The following SCAMP3 variants were observed in gnomAD, a reference collection of about 807,000 sequenced individuals.
SCAMP3 encodes the protein secretory carrier-associated membrane protein 3.
A neutral mutation model predicts 44.1 loss-of-function variants in SCAMP3; 30 were observed. The ratio of observed to expected loss-of-function variants is 0.68; its 90% CI spans 0.51 to 0.92. The LOEUF (loss-of-function observed/expected upper bound fraction) is 0.92, where lower values mean the gene tolerates loss of function less well. Ranked by LOEUF, SCAMP3 falls within the 40% of genes least tolerant of loss-of-function variation. The probability of loss-of-function intolerance (pLI) is 0.00; values close to 1 mark genes in which losing one functional copy is unlikely to be tolerated. For missense variants in SCAMP3, 394 were observed against 440.0 expected, an observed-to-expected ratio of 0.90 and a Z score of 0.93; for synonymous variants, 168 against 171.1, an observed-to-expected ratio of 0.98 and a Z score of 0.14.
Position 155,260,546 on chromosome 1 carries a change from G to C in SCAMP3, c.258C>G (p.Tyr86Ter). 1 of 1,614,178 alleles carries C rather than the reference G, an allele frequency of 6.2e-7. No individual in the cohort carries two copies. The highest frequency in any genetic ancestry group is 2.2e-5 in the East Asian group (1 of 44,882). The stretch of plus-strand genomic sequence containing the variant: ...TGCACACCTCCTGTACCTGAGTGCT[G>C]TATGAGCCATAGTTCTTAGGTTCTG... ...SPTEPKNYGS[Y>*]STQASAAAAT... Residue 86 changes from tyrosine to a stop codon, truncating the protein, a stop_gained, in exon 3 of 9, where the codon TAC becomes TAG. Coordinates refer to ENST00000302631, the MANE Select transcript of SCAMP3 (RefSeq NM_005698.4). LOFTEE classifies it high-confidence loss of function.
In SCAMP3 at chr1:155,256,742, C is replaced by T. The variant is rs199684527; in HGVS notation, c.829G>A (p.Val277Met). 6.2e-6 allele frequency: 10 copies of T among 1,614,084 alleles called. No individual in the cohort carries two copies. Among genetic ancestry groups the T allele is most frequent in the Admixed American group, 3.3e-5 (2 of 60,006 alleles). Residue 277 changes from valine (V) to methionine (M), a missense_variant, in exon 8 of 9, where the codon GTG becomes ATG. By Grantham distance (21) the Val-to-Met change is conservative. Coordinates refer to ENST00000302631, the MANE Select transcript of SCAMP3 (RefSeq NM_005698.4). ...VVPKGNTAVSVLMLLVALLFT... is the reference protein window; with the variant it reads ...VVPKGNTAVSMLMLLVALLFT... ...AGCAGGGCGACCAGCAGCATGAGCA[C>T]GGATACTGCTGTGTTGCCCTTCGGC... is the stretch of plus-strand genomic sequence containing the variant.
At position 155,256,656 on chromosome 1, in the gene SCAMP3, C is replaced by T. The variant is rs1226991718; in HGVS notation, c.897+18G>A. On this transcript the variant is annotated intron_variant, in intron 8 of 8. Transcript: ENST00000302631. ...CATGATCTCACCATCCCGGCCCCAC[C>T]TTCGACACAGCCCTCACCCGTTTCA... 1.9e-6 allele frequency: 3 copies of T among 1,608,200 alleles called. No individual in the cohort carries two copies. The African/African-American group carries it at 4.0e-5, about 21-fold the overall frequency.
At chr1:155,259,189 C>G (rs1445709772) in intron 4 of SCAMP3, among the ~76,000 whole-genome samples, 1 of 121,696 alleles carries the variant, frequency 8.2e-6, no homozygotes, top group African/African-American at 3.1e-5. Flanking sequence ...TTTTTTTTCT[C>G]CTGAGATAGA....
intron 1 of SCAMP3, 65 bp downstream of exon 1, chr1:155,262,021 C>A: frequency 6.7e-7 from 1 of 1,499,104 alleles, no homozygotes; most frequent in Non-Finnish European, 9.3e-7. Flanking sequence ...ACAAGTTAGC[C>A]CGACCCTACA....
At chr1:155,258,744 G>C in intron 5 of SCAMP3, 82 bp downstream of exon 5, 1 of 1,314,154 alleles carries the variant, frequency 7.6e-7, no homozygotes, top group East Asian at 2.4e-5. Flanking sequence ...TAGAGGTGAA[G>C]TGTTTGGTTC....
Position 155,256,276 on chromosome 1 carries a change from C to G in SCAMP3, c.1041G>C (p.Pro347=). The G allele has an allele frequency of 6.4e-7, 1 of 1,568,104 alleles. No individual in the cohort carries two copies. The highest frequency in any genetic ancestry group is 1.1e-5 in the South Asian group (1 of 87,260). Reference sequence around the variant, plus strand: ...GCCAGGGCATCCCAGTCAGGGGTCACGGGGCCCGGAAGGCATTTTCAGCAG... The same window carrying G: ...GCCAGGGCATCCCAGTCAGGGGTCAGGGGGCCCGGAAGGCATTTTCAGCAG... The part of the protein sequence containing the change: ...AGAAENAFRA[P] The change falls in exon 9 of 9, where the codon CCG becomes CCC. Residue 347 remains proline, a synonymous_variant. Transcript: ENST00000302631.
At chr1:155,261,451 T>C in intron 2 of SCAMP3, 1 of 608,146 alleles carries the variant, frequency 1.6e-6, no homozygotes, top group East Asian at 2.8e-5. Flanking sequence ...CAGGACTGAC[T>C]TTTAGAGCTC....
At chr1:155,261,768 C>A in intron 1 of SCAMP3, 34 bp from the exon 2 acceptor site, 1 of 1,593,318 alleles carries the variant, frequency 6.3e-7, no homozygotes, top group Non-Finnish European at 8.6e-7. Flanking sequence ...AGCTGGCACC[C>A]AGTGCCACCT....
intron 8 of SCAMP3, 39 bp downstream of exon 8, chr1:155,256,635 A>T (rs987994413): frequency 6.4e-7 from 1 of 1,564,488 alleles, no homozygotes; most frequent in Admixed American, 1.7e-5. Flanking sequence ...GGGACCCATG[A>T]TCTCACCATC....
chr1:155,259,045 T>TA, intron 4 of SCAMP3, 91 bp from the exon 5 acceptor site: 93 of 681,114 alleles, frequency 1.4e-4, no homozygotes, highest in Non-Finnish European at 1.9e-4. Flanking sequence ...CTGGATCCTC[T>TA]CTTTTTTTTT....
intron 7 of SCAMP3, among the ~76,000 whole-genome samples, 186 bp from the exon 8 acceptor site, chr1:155,256,977 T>C (rs139644102): frequency 4.5e-4 from 69 of 152,326 alleles, no homozygotes; most frequent in African/African-American, 1.5e-3. Flanking sequence ...TTCTGAACCA[T>C]TAGCCCTGAG....
chr1:155,261,987 G>A, intron 1 of SCAMP3, 99 bp downstream of exon 1: 1 of 1,268,296 alleles, frequency 7.9e-7, no homozygotes, highest in Non-Finnish European at 1.1e-6. Flanking sequence ...GCTCTTCCCA[G>A]GATCAAATGT....
In SCAMP3 at chr1:155,262,235, T is replaced by C; in HGVS notation, c.-84A>G. ...GGTAGCGGTAGCCCTCAGAGTCCAC[T>C]TCACTCGCCTCAGTTCGCCCCGCTT... On this transcript the variant is annotated 5_prime_UTR_variant, in exon 1 of 9. Coordinates refer to ENST00000302631, the MANE Select transcript of SCAMP3 (RefSeq NM_005698.4). 7.9e-7 allele frequency: 1 copy of C among 1,264,748 alleles called. No homozygotes were observed. Among genetic ancestry groups the C allele is most frequent in the Non-Finnish European group, 1.1e-6 (1 of 891,524 alleles). 78.3% of individuals were successfully genotyped at this position (1,264,748 alleles called of 1,614,324 possible).
chr1:155,261,991 C>T, intron 1 of SCAMP3, 95 bp downstream of exon 1: 2 of 1,290,086 alleles, frequency 1.6e-6, no homozygotes, highest in Non-Finnish European at 2.2e-6. Context: ...TTCCCAGGAT[C>T]AAATGTCACA....
Position 155,260,333 on chromosome 1 carries a change from C to G in SCAMP3, c.385G>C (p.Ala129Pro). Residue 129 changes from alanine (A) to proline (P), a missense_variant, in exon 4 of 9, where the codon GCT (alanine) becomes CCT (proline). Physicochemically the swap from Ala to Pro is conservative, Grantham distance 27. Transcript: ENST00000302631. ...TCTTCCCCACTCTATTACTTACTAG[C>G]TGTGCCCCCCAGGGCAGCATGCTGC... ...ELQHAALGGTATRQNNWPPLP... is the reference protein window; with the variant it reads ...ELQHAALGGTPTRQNNWPPLP... The G allele has an allele frequency of 6.2e-7, 1 of 1,611,360 alleles. No individual in the cohort carries two copies. Among genetic ancestry groups the G allele is most frequent in the South Asian group, 1.1e-5 (1 of 91,086 alleles).
At position 155,261,752 on chromosome 1, in the gene SCAMP3, G is replaced by A; in HGVS notation, c.67-18C>T. ...GCTGGGTCCTGAGGGCAGAGACCCGGGTCTCAGCTGGCACCCAGTGCCACC... is the reference window on the plus strand; with the variant it reads ...GCTGGGTCCTGAGGGCAGAGACCCGAGTCTCAGCTGGCACCCAGTGCCACC... On this transcript the variant is annotated intron_variant, in intron 1 of 8. Transcript: ENST00000302631. 1 of 1,612,922 alleles carries A rather than the reference G, an allele frequency of 6.2e-7. No homozygotes were observed. Among genetic ancestry groups the A allele is most frequent in the Non-Finnish European group, 8.5e-7 (1 of 1,179,444 alleles).
At position 155,258,974 on chromosome 1, in the gene SCAMP3, A is replaced by C; in HGVS notation, c.389-20T>G. Reference sequence around the variant, plus strand: ...GTCGAGCTGTAAGGCACAAAAAAACAGGTGGACCCCAGAAGTAAAACAGAG... The same window carrying C: ...GTCGAGCTGTAAGGCACAAAAAAACCGGTGGACCCCAGAAGTAAAACAGAG... On this transcript the variant is annotated intron_variant, in intron 4 of 8. Transcript: ENST00000302631. 1.2e-6 allele frequency: 2 copies of C among 1,604,672 alleles called. No individual in the cohort carries two copies. Among genetic ancestry groups the C allele is most frequent in the Non-Finnish European group, 1.7e-6 (2 of 1,176,240 alleles).
chr1:155,256,535 G>A (rs989422199), intron 8 of SCAMP3, 116 bp from the exon 9 acceptor site: 24 of 1,383,128 alleles, frequency 1.7e-5, no homozygotes, highest in Non-Finnish European at 2.3e-5. Flanking sequence ...CTCACACACA[G>A]AAACACACAC....
rs1672992613 is a variant in SCAMP3, at chr1:155,262,349, T to C, written c.-198A>G. On this transcript the variant is annotated 5_prime_UTR_variant, in exon 1 of 9. Transcript: ENST00000302631. ...TTGCGCCTGCGTCTTGTCCAAAAGC[T>C]AAGACGAAAGTGCCCCCACGTGATA... 2 of 581,292 alleles carry C rather than the reference T, an allele frequency of 3.4e-6. No individual in the cohort carries two copies. The highest frequency in any genetic ancestry group is 6.1e-6 in the Non-Finnish European group (2 of 328,806). 36.0% of individuals were successfully genotyped at this position (581,292 alleles called of 1,614,324 possible).
Sources: allele counts gnomAD v4.1 joint callset (sites outside exome capture counted in the v4.1 genomes callset), GRCh38; gene constraint gnomAD v4.1.1; transcripts MANE v1.5; gene names NCBI Gene and HGNC (gene_info 2026-07-23, HGNC 2026-07-21).